ADGRL2: variants seen among roughly 807,000 people sequenced by gnomAD.
ADGRL2 encodes the protein calcium-independent alpha-latrotoxin receptor 2.
A neutral mutation model predicts 157.4 loss-of-function variants in ADGRL2; 44 were observed. The observed-to-expected ratio is 0.28, with a 90% CI of 0.22 to 0.36. The LOEUF (loss-of-function observed/expected upper bound fraction) is 0.36, where lower values mean the gene tolerates loss of function less well. ADGRL2 is among the 10% of genes least tolerant of loss of function. ADGRL2 has a pLI of 1.00. For missense variants in ADGRL2, 1,510 were observed against 1,768.9 expected, an observed-to-expected ratio of 0.85 and a Z score of 2.63; for synonymous variants, 585 against 624.7, an observed-to-expected ratio of 0.94 and a Z score of 0.95.
intron 2 of ADGRL2, among the ~76,000 whole-genome samples, chr1:81,867,407 A>G (rs553796971): frequency 1.3e-5 from 2 of 152,336 alleles, no homozygotes; most frequent in Non-Finnish European, 2.9e-5. Flanking sequence ...TGCTGTTGCT[A>G]TGTGCTCATG....
At chr1:81,575,658 G>A (rs1176736648) in intron 2 of ADGRL2, among the ~76,000 whole-genome samples, 1 of 152,070 alleles carries the variant, frequency 6.6e-6, no homozygotes, top group Non-Finnish European at 1.5e-5. Context: ...AATACATACA[G>A]ATTTTTTTTG....
intron 1 of ADGRL2, among the ~76,000 whole-genome samples, chr1:81,804,896 T>C (rs1197721629): frequency 6.6e-6 from 1 of 152,188 alleles, no homozygotes; most frequent in Admixed American, 6.5e-5. Flanking sequence ...AGGTAACTGT[T>C]TTTTATGTGC....
At chr1:81,528,530 T>A (rs974389758) in intron 2 of ADGRL2, among the ~76,000 whole-genome samples, 1 of 150,908 alleles carries the variant, frequency 6.6e-6, no homozygotes, top group Non-Finnish European at 1.5e-5. Flanking sequence ...GCCTGTAGTC[T>A]CAGCTACTCG....
At chr1:81,443,143 A>T (rs1309075731) in intron 1 of ADGRL2, among the ~76,000 whole-genome samples, 1 of 152,142 alleles carries the variant, frequency 6.6e-6, no homozygotes, top group Non-Finnish European at 1.5e-5. Flanking sequence ...GATGGTGGTC[A>T]GGCATGGTGG....
intron 1 of ADGRL2, among the ~76,000 whole-genome samples, chr1:81,342,093 T>A (rs896197219): frequency 1.3e-5 from 2 of 152,138 alleles, no homozygotes; most frequent in African/African-American, 4.8e-5. Flanking sequence ...AAACAAAGAT[T>A]TTTTTGGATC....
intron 14 of ADGRL2, among the ~76,000 whole-genome samples, chr1:81,968,550 A>C (rs1657809431): frequency 6.6e-6 from 1 of 152,156 alleles, no homozygotes; most frequent in African/African-American, 2.4e-5. Flanking sequence ...TTCGAATCTA[A>C]TTTTACAACT....
chr1:81,344,683 A>AT (rs71592732), intron 1 of ADGRL2, among the ~76,000 whole-genome samples: 13 of 93,210 alleles, frequency 1.4e-4, no homozygotes, highest in East Asian at 2.6e-4. Flanking sequence ...AAAAAAAAAA[A>AT]AAAAAAAGCA....
chr1:81,987,400 C>A, intron 22 of ADGRL2: 1 of 1,096,298 alleles, frequency 9.1e-7, no homozygotes, highest in Non-Finnish European at 1.4e-6. Context: ...ACAAAATTTG[C>A]TTCTGGAATG....
chr1:81,748,424 G>C (rs1439686901), intron 1 of ADGRL2, among the ~76,000 whole-genome samples: 1 of 136,346 alleles, frequency 7.3e-6, no homozygotes, highest in Admixed American at 8.1e-5. Flanking sequence ...AGCTGAGATC[G>C]CGCCACCGCA....
At chr1:81,677,428 T>C (rs907406907) in intron 3 of ADGRL2, among the ~76,000 whole-genome samples, 1 of 152,212 alleles carries the variant, frequency 6.6e-6, no homozygotes, top group Non-Finnish European at 1.5e-5. Flanking sequence ...CACATTGCTA[T>C]GGTAAGATTC....
At chr1:81,721,103 C>T (rs2084300384) in intron 1 of ADGRL2, among the ~76,000 whole-genome samples, 1 of 149,242 alleles carries the variant, frequency 6.7e-6, no homozygotes, top group African/African-American at 2.5e-5. Context: ...ATCTCCTAGA[C>T]ACAAGCGATC....
At chr1:81,865,616 T>C (rs777039736) in intron 2 of ADGRL2, among the ~76,000 whole-genome samples, 1 of 152,170 alleles carries the variant, frequency 6.6e-6, no homozygotes, top group Non-Finnish European at 1.5e-5. Flanking sequence ...TCCTGAGAGA[T>C]ACCCAGGGAG....
intron 1 of ADGRL2, among the ~76,000 whole-genome samples, chr1:81,756,387 G>C (rs1023318168): frequency 6.6e-6 from 1 of 151,736 alleles, no homozygotes; most frequent in African/African-American, 2.4e-5. Flanking sequence ...TTATTTACCT[G>C]ACATTGTTGC....
At chr1:81,924,691 T>TG (rs1253415068) in intron 3 of ADGRL2, among the ~76,000 whole-genome samples, 1 of 151,912 alleles carries the variant, frequency 6.6e-6, no homozygotes, top group Admixed American at 6.6e-5. Context: ...GGTTGAGGGG[T>TG]GATTGAGGTA....
chr1:81,396,091 C>G (rs184908946), intron 1 of ADGRL2, among the ~76,000 whole-genome samples: 1 of 152,032 alleles, frequency 6.6e-6, no homozygotes, highest in African/African-American at 2.4e-5. Context: ...CTATAGATCA[C>G]TTTTGGTTGT....
Position 81,985,350 on chromosome 1 carries a change from A to G in ADGRL2, c.3503A>G (p.Asn1168Ser), listed in dbSNP as rs776777925. The change falls in exon 21 of 24, where the codon AAT (asparagine) becomes AGT (serine). Residue 1168 changes from asparagine to serine, a missense_variant. Around this residue, in one of 4 missense-constraint regions of ADGRL2, gnomAD observed 497 missense variants for 627.2 expected, o/e 0.79. Coordinates refer to ENST00000686636, the MANE Select transcript of ADGRL2 (RefSeq NM_001366006.2). The stretch of plus-strand genomic sequence containing the variant: ...GACATCAATAGCACTTCAACACTTA[A>G]TCAAGGTCAGTTATCAGGAAAATTT... ...SGDINSTSTLNQGMTGNYLLT... is the reference protein window; with the variant it reads ...SGDINSTSTLSQGMTGNYLLT... 3 of 1,585,762 alleles carry G rather than the reference A, an allele frequency of 1.9e-6. No individual in the cohort carries two copies. Among genetic ancestry groups the G allele is most frequent in the South Asian group, 1.1e-5 (1 of 88,424 alleles).
chr1:81,367,078 TCA>T (rs532346688), intron 1 of ADGRL2, among the ~76,000 whole-genome samples: 50 of 152,322 alleles, frequency 3.3e-4, no homozygotes, highest in African/African-American at 1.2e-3. Context: ...TATTTTACAG[TCA>T]CACAAATGTA....
At chr1:81,509,446 T>C (rs969861665) in intron 2 of ADGRL2, among the ~76,000 whole-genome samples, 3 of 152,190 alleles carry the variant, frequency 2.0e-5, no homozygotes, top group Non-Finnish European at 4.4e-5. Context: ...ATTGACCTTC[T>C]GCCCTATTCA....
chr1:81,793,041 A>G (rs1482755134), intron 2 of ADGRL2, among the ~76,000 whole-genome samples: 1 of 152,086 alleles, frequency 6.6e-6, no homozygotes, highest in East Asian at 1.9e-4. Flanking sequence ...ATGATGGTGA[A>G]CTAGTATTTA....
Sources: gnomAD v4.1 joint callset for allele counts (sites outside exome capture counted in the v4.1 genomes callset) on GRCh38, gnomAD v4.1.1 for gene constraint, gnomAD v4.1.1 regional missense constraint, MANE v1.5 for transcripts, NCBI Gene and HGNC (gene_info 2026-07-23, HGNC 2026-07-21) for gene names.